The following LRRTM4 variants were observed in gnomAD, a reference collection of about 807,000 sequenced individuals.
LRRTM4 encodes leucine rich repeat transmembrane neuronal 4, also known as leucine-rich repeat transmembrane neuronal protein 4.
LRRTM4 carries 25 observed loss-of-function variants against 47.6 expected under a neutral mutation model. The ratio of observed to expected loss-of-function variants is 0.53; its 90% CI spans 0.38 to 0.73. LRRTM4 has a LOEUF of 0.73. LRRTM4 is among the 30% of genes least tolerant of loss of function. The pLI is 0.00. For synonymous variants in LRRTM4, 311 were observed against 269.5 expected (o/e 1.15, Z -1.51); for missense variants, 638 against 713.4 (o/e 0.89, Z 1.20).
intron 3 of LRRTM4, among the ~76,000 whole-genome samples, chr2:77,221,396 A>G (rs1382296842): frequency 2.0e-5 from 3 of 152,228 alleles, no homozygotes; most frequent in Non-Finnish European, 4.4e-5. Flanking sequence ...CTCCAAATAA[A>G]AGACACAGAC....
At chr2:77,311,301 T>A (rs943746565) in intron 3 of LRRTM4, among the ~76,000 whole-genome samples, 2 of 152,154 alleles carry the variant, frequency 1.3e-5, no homozygotes, top group Non-Finnish European at 2.9e-5. Flanking sequence ...TTAGACCAGT[T>A]GAATTTGAAT....
intron 3 of LRRTM4, among the ~76,000 whole-genome samples, chr2:77,271,838 T>C (rs1676207224): frequency 1.3e-5 from 2 of 152,212 alleles, no homozygotes; most frequent in Non-Finnish European, 2.9e-5. Context: ...TGTTCATTCT[T>C]ATTTCCTACG....
chr2:77,426,249 C>T (rs1675100106), intron 3 of LRRTM4, among the ~76,000 whole-genome samples: 1 of 152,084 alleles, frequency 6.6e-6, no homozygotes, highest in African/African-American at 2.4e-5. Context: ...CACTAACTAA[C>T]ACCAATTTTC....
chr2:76,796,902 G>T (rs981122919), intron 3 of LRRTM4, among the ~76,000 whole-genome samples: 1 of 152,014 alleles, frequency 6.6e-6, no homozygotes, highest in Non-Finnish European at 1.5e-5. Flanking sequence ...AAGCGAGAAG[G>T]GAAGTTTAGA....
At chr2:76,900,358 T>G (rs1673581736) in intron 3 of LRRTM4, among the ~76,000 whole-genome samples, 1 of 152,060 alleles carries the variant, frequency 6.6e-6, no homozygotes, top group South Asian at 2.1e-4. Flanking sequence ...TTTAAATAGT[T>G]TGCAATATGT....
At chr2:77,007,320 T>C (rs1677693746) in intron 3 of LRRTM4, among the ~76,000 whole-genome samples, 10 of 152,132 alleles carry the variant, frequency 6.6e-5, no homozygotes, top group Admixed American at 6.6e-4. Context: ...TTATATTATA[T>C]TGAAGGAAAT....
intron 3 of LRRTM4, among the ~76,000 whole-genome samples, chr2:76,906,078 G>C (rs927926590): frequency 7.9e-5 from 12 of 152,124 alleles, no homozygotes; most frequent in Admixed American, 2.0e-4. Flanking sequence ...AGGAAAAAAT[G>C]TTAAGGGCAG....
intron 3 of LRRTM4, among the ~76,000 whole-genome samples, chr2:76,899,064 T>A (rs868018644): frequency 2.0e-5 from 3 of 152,006 alleles, no homozygotes; most frequent in African/African-American, 7.2e-5. Flanking sequence ...AGCTACACAG[T>A]TGAAGAAATA....
At chr2:77,353,776 G>T (rs1437910468) in intron 3 of LRRTM4, among the ~76,000 whole-genome samples, 1 of 152,042 alleles carries the variant, frequency 6.6e-6, no homozygotes, top group Non-Finnish European at 1.5e-5. Flanking sequence ...ATTGAATAAT[G>T]TACCCCCAAC....
intron 3 of LRRTM4, among the ~76,000 whole-genome samples, chr2:76,907,636 C>T (rs185800289): frequency 0.082 from 8,963 of 109,332 alleles, 812 homozygotes; most frequent in East Asian, 0.43. Context: ...ATCAAATAGA[C>T]GCAATAAAAA....
At chr2:77,194,154 G>T (rs1306788818) in intron 3 of LRRTM4, among the ~76,000 whole-genome samples, 1 of 152,102 alleles carries the variant, frequency 6.6e-6, no homozygotes, top group Non-Finnish European at 1.5e-5. Context: ...GAGTTGTGCT[G>T]AAGAGAGGAG....
At chr2:77,451,864 T>C (rs908539951) in intron 3 of LRRTM4, among the ~76,000 whole-genome samples, 4 of 152,212 alleles carry the variant, frequency 2.6e-5, no homozygotes, top group African/African-American at 9.6e-5. Context: ...GAGCTATTCA[T>C]GGGCTGGGCA....
chr2:76,926,692 C>T (rs1214147875), intron 3 of LRRTM4, among the ~76,000 whole-genome samples: 1 of 152,108 alleles, frequency 6.6e-6, no homozygotes, highest in Non-Finnish European at 1.5e-5. Flanking sequence ...CTCTCTCTTG[C>T]CCTCTCTTTG....
intron 3 of LRRTM4, among the ~76,000 whole-genome samples, chr2:76,809,078 C>T (rs1474516662): frequency 6.6e-6 from 1 of 151,888 alleles, no homozygotes; most frequent in Non-Finnish European, 1.5e-5. Flanking sequence ...CGATTTTTCC[C>T]CTGATTCAAT....
chr2:76,856,346 T>A (rs1672150290), intron 3 of LRRTM4, among the ~76,000 whole-genome samples: 1 of 152,156 alleles, frequency 6.6e-6, no homozygotes, highest in Non-Finnish European at 1.5e-5. Context: ...TTATCAGTTA[T>A]ATATTTTTAG....
chr2:77,065,399 G>A (rs1299183480), intron 3 of LRRTM4, among the ~76,000 whole-genome samples: 1 of 152,152 alleles, frequency 6.6e-6, no homozygotes, highest in Admixed American at 6.6e-5. Context: ...AAAGTGCAAT[G>A]TAAAATTAAT....
rs1270237832 is a variant in LRRTM4 at position 76,885,486 on chromosome 2, G to A, written c.1552-136570C>T. ...GCTTTTTTTTTTTTTTTTTTGAGAC[G>A]AAGTCTCGCTCTGTCGCCCAGGCTG... On this transcript the variant is annotated intron_variant, in intron 3 of 3. Coordinates refer to ENST00000409884, the MANE Select transcript of LRRTM4 (RefSeq NM_001134745.3). Among the ~76,000 whole-genome samples, 4 of 136,594 alleles carry A rather than the reference G, an allele frequency of 2.9e-5. No homozygotes were observed. The East Asian group carries it at 8.7e-4, about 30-fold the overall frequency. The allele number at this position is 136,594 out of a possible 152,430, so 89.6% of individuals were successfully genotyped here.
At chr2:77,417,859 T>C (rs1036489534) in intron 3 of LRRTM4, among the ~76,000 whole-genome samples, 1 of 152,068 alleles carries the variant, frequency 6.6e-6, no homozygotes, top group Non-Finnish European at 1.5e-5. Context: ...CATGTATACA[T>C]ATGTAACAAA....
intron 3 of LRRTM4, among the ~76,000 whole-genome samples, chr2:76,905,494 G>A (rs1673797560): frequency 1.3e-5 from 2 of 152,154 alleles, no homozygotes; most frequent in South Asian, 4.1e-4. Context: ...AAAAAAGCTG[G>A]ACGGAGAATG....
Sources: allele counts gnomAD v4.1 joint callset (sites outside exome capture counted in the v4.1 genomes callset), GRCh38; gene constraint gnomAD v4.1.1; transcripts MANE v1.5; gene names NCBI Gene and HGNC (gene_info 2026-07-23, HGNC 2026-07-21).